The following SDK2 variants were observed in gnomAD, a reference collection of about 807,000 sequenced individuals.
SDK2 encodes protein sidekick-2.
SDK2 carries 105 observed loss-of-function variants against 253.9 expected under a neutral mutation model. That is an observed-to-expected ratio of 0.41 (90% CI 0.35 to 0.49). SDK2 has a LOEUF of 0.49. Among genes scored for constraint, SDK2 ranks in the 20% least tolerant of loss-of-function variants. The pLI is 0.06. For synonymous variants in SDK2, 1,249 were observed against 1,234.9 expected, an observed-to-expected ratio of 1.01 and a Z score of -0.24; for missense variants, 2,608 against 3,003.0, an observed-to-expected ratio of 0.87 and a Z score of 3.07.
intron 1 of SDK2, among the ~76,000 whole-genome samples, chr17:73,593,161 C>G (rs1322284453): frequency 2.0e-5 from 3 of 152,178 alleles, no homozygotes; most frequent in Non-Finnish European, 4.4e-5. Flanking sequence ...GCTGGGTACC[C>G]CACCCCACCC....
rs2046434874 is a variant in SDK2, at chr17:73,644,205, T to TC, written c.-118dup. 4.8e-6 allele frequency: 4 copies of TC among 834,860 alleles called. No homozygotes were observed. Among genetic ancestry groups the TC allele is most frequent in the Middle Eastern group, 2.7e-4 (1 of 3,662 alleles). The allele number at this position is 834,860 out of a possible 1,614,324, so 51.7% of individuals were successfully genotyped here. ...CCAGGAAACAGTCAGTCTACGCGGC[T>TC]CCGTGCCCCGGGGTGTAATATGCCC... On this transcript the variant is annotated 5_prime_UTR_variant, in exon 1 of 45. Coordinates refer to ENST00000392650, the MANE Select transcript of SDK2 (RefSeq NM_001144952.2). The surrounding 1 kb of genome is among the most constrained non-coding windows in gnomAD (Gnocchi z 6.3).
intron 9 of SDK2, 104 bp from the exon 10 acceptor site, chr17:73,433,952 C>A (rs969898846): frequency 2.8e-6 from 2 of 720,746 alleles, no homozygotes; most frequent in East Asian, 5.7e-5. Flanking sequence ...CCCTCATCCT[C>A]CCCCTGCCAT....
chr17:73,644,012 G>C lies in SDK2; in HGVS notation c.64+13C>G. ...AGCCCCCTCCCTGTCCCCACGTGGG[G>C]GTCCCTCCTTACCTTGGGCTCTGGC... On this transcript the variant is annotated intron_variant, in intron 1 of 44. Coordinates refer to ENST00000392650, the MANE Select transcript of SDK2 (RefSeq NM_001144952.2). This position sits in a 1 kb window ranked among gnomAD's most constrained non-coding sequence, Gnocchi z 6.3. 2 of 1,547,476 alleles carry C rather than the reference G, an allele frequency of 1.3e-6. No individual in the cohort carries two copies. The highest frequency in any genetic ancestry group is 2.4e-5 in the South Asian group (2 of 83,822).
At position 73,374,451 on chromosome 17, in the gene SDK2, C is replaced by T. The variant is rs2062760526; in HGVS notation, c.4980+4726G>A. Among the ~76,000 whole-genome samples the T allele has an allele frequency of 1.4e-5, 2 of 141,762 alleles. 1 individual carries two copies. The highest frequency in any genetic ancestry group is 5.8e-5 in the African/African-American group (2 of 34,396). 93.0% of individuals were successfully genotyped at this position (141,762 alleles called of 152,430 possible). ...CTTGTTGCCTCCCTTTTCTCCCATT[C>T]CATGTTCGATTTGTCGGTAATTTTT... On this transcript the variant is annotated intron_variant, in intron 36 of 44. Transcript: ENST00000392650.
rs2063465256 is a variant in SDK2, at chr17:73,447,903, G to T, written c.480-155C>A. Among the ~76,000 whole-genome samples, 1 of 151,594 alleles carries T rather than the reference G, an allele frequency of 6.6e-6. No individual in the cohort carries two copies. Among genetic ancestry groups the T allele is most frequent in the African/African-American group, 2.4e-5 (1 of 41,180 alleles). ...GCCACCCCCTCCCCAACCTCTTACT[G>T]CCTACATCCCGCCACGTTTAGTTTG... On this transcript the variant is annotated intron_variant, in intron 4 of 44. Coordinates refer to ENST00000392650, the MANE Select transcript of SDK2 (RefSeq NM_001144952.2). This position sits in a 1 kb window ranked among gnomAD's most constrained non-coding sequence, Gnocchi z 4.0.
At chr17:73,509,175 G>A (rs763346907) in intron 1 of SDK2, among the ~76,000 whole-genome samples, 22 of 152,232 alleles carry the variant, frequency 1.4e-4, no homozygotes, top group Non-Finnish European at 2.9e-4. Flanking sequence ...TCCCAGCGGC[G>A]TGCGGTGGAC....
At chr17:73,523,350 C>A (rs902384878) in intron 1 of SDK2, among the ~76,000 whole-genome samples, 1 of 151,804 alleles carries the variant, frequency 6.6e-6, no homozygotes, top group Middle Eastern at 3.2e-3. Flanking sequence ...TTCTGCTATA[C>A]CCCATATTAA....
At chr17:73,621,608 T>TTA (rs1377636690) in intron 1 of SDK2, among the ~76,000 whole-genome samples, 1 of 151,642 alleles carries the variant, frequency 6.6e-6, no homozygotes, top group Non-Finnish European at 1.5e-5. Flanking sequence ...TTTTTATACA[T>TTA]TATATATATA....
In SDK2 at chr17:73,345,837, G is replaced by A. The variant is rs142847664; in HGVS notation, c.6165+2762C>T. 3.3e-4 allele frequency among the ~76,000 whole-genome samples: 50 copies of A among 152,256 alleles called. No homozygotes were observed. In the East Asian group the frequency reaches 7.1e-3, roughly 22 times the overall value. On this transcript the variant is annotated intron_variant, in intron 44 of 44. Transcript: ENST00000392650. ...TGGTGTCATTCACGAACAATCCTTA[G>A]AATCCTTCCTGGCTTCTACTGAACA...
chr17:73,532,082 G>A lies in SDK2; in HGVS notation c.65-24485C>T, dbSNP rs921657944. Among the ~76,000 whole-genome samples, 6 of 152,116 alleles carry A rather than the reference G, an allele frequency of 3.9e-5. No individual in the cohort carries two copies. The South Asian group carries it at 6.2e-4, about 16-fold the overall frequency. ...TTCTGTACTCCTGCCCCCAGCTCCCGGGGGACCCCTGGCGATGTCCGGAGA... is the reference window on the plus strand; with the variant it reads ...TTCTGTACTCCTGCCCCCAGCTCCCAGGGGACCCCTGGCGATGTCCGGAGA... On this transcript the variant is annotated intron_variant, in intron 1 of 44. Transcript: ENST00000392650.
rs375308250 is a variant in SDK2, at chr17:73,361,670, C to T, written c.5467+14G>A. ...CGCCGTGTGGAAGACATGCCTGGTC[C>T]GTTGCTCTCCTACCTTCTCCGGGGC... On this transcript the variant is annotated intron_variant, in intron 39 of 44. Coordinates refer to ENST00000392650, the MANE Select transcript of SDK2 (RefSeq NM_001144952.2). The surrounding 1 kb of genome is among the most constrained non-coding windows in gnomAD (Gnocchi z 4.1). 1.4e-5 allele frequency: 23 copies of T among 1,606,638 alleles called. No individual in the cohort carries two copies. The African/African-American group carries it at 1.7e-4, about 12-fold the overall frequency.
rs533924561 is a variant in SDK2, at chr17:73,455,347, C to T, written c.479+559G>A. Among the ~76,000 whole-genome samples, 6 of 152,146 alleles carry T rather than the reference C, an allele frequency of 3.9e-5. No homozygotes were observed. Among genetic ancestry groups the T allele is most frequent in the Admixed American group, 1.3e-4 (2 of 15,278 alleles). On this transcript the variant is annotated intron_variant, in intron 4 of 44. Transcript: ENST00000392650. This position sits in a 1 kb window ranked among gnomAD's most constrained non-coding sequence, Gnocchi z 5.0. ...ATCCTCCTGCCCACAGGCTGGGCTG[C>T]CCCAGCCAATCCCAGGGGGCACACA...
At chr17:73,377,790 T>G (rs964245496) in intron 36 of SDK2, among the ~76,000 whole-genome samples, 12 of 151,596 alleles carry the variant, frequency 7.9e-5, no homozygotes, top group African/African-American at 2.9e-4. Flanking sequence ...TTTTGTATTT[T>G]TAGTAGAGAT....
intron 40 of SDK2, among the ~76,000 whole-genome samples, chr17:73,354,139 TCAAGCGATCCTCA>T: frequency 6.6e-6 from 1 of 152,244 alleles, no homozygotes; most frequent in South Asian, 2.1e-4. Flanking sequence ...CCTCCTGGGC[TCAAGCGATCCTCA>T]CATCTCAGCC....
At chr17:73,506,230 C>T (rs2063934842) in intron 2 of SDK2, among the ~76,000 whole-genome samples, 1 of 152,172 alleles carries the variant, frequency 6.6e-6, no homozygotes, top group African/African-American at 2.4e-5. Context: ...GAGGCTCTGG[C>T]CCCCAACTGA....
chr17:73,358,775 T>C (rs946793399), intron 39 of SDK2, among the ~76,000 whole-genome samples: 1 of 151,958 alleles, frequency 6.6e-6, no homozygotes, highest in African/African-American at 2.4e-5. Flanking sequence ...GCATTTCCTA[T>C]TAGGTTAGAC....
chr17:73,336,120 T>C lies in SDK2; in HGVS notation c.*2467A>G, dbSNP rs2062375711. On this transcript the variant is annotated 3_prime_UTR_variant, in exon 45 of 45. Transcript: ENST00000392650. ...GCTTAAATAATTCCCTAATGCAAAC[T>C]GGGAACTTCCTTAAATGGTTAAATG... 6.9e-6 allele frequency: 1 copy of C among 145,660 alleles called. No homozygotes were observed. Among genetic ancestry groups the C allele is most frequent in the African/African-American group, 2.6e-5 (1 of 38,908 alleles). The allele number at this position is 145,660 out of a possible 1,614,324, so 9.0% of individuals were successfully genotyped here. A position where few individuals can be genotyped will look rare whatever the true frequency, so the allele number is the denominator to read the frequency against.
intron 1 of SDK2, among the ~76,000 whole-genome samples, chr17:73,611,620 G>A (rs2045975850): frequency 6.6e-6 from 1 of 152,248 alleles, no homozygotes; most frequent in South Asian, 2.1e-4. Flanking sequence ...CCTGTGACCT[G>A]CAGAGGCTTT....
chr17:73,582,939 C>T (rs1489347406), intron 1 of SDK2, among the ~76,000 whole-genome samples: 2 of 152,182 alleles, frequency 1.3e-5, no homozygotes, highest in African/African-American at 4.8e-5. Context: ...CCGCTAGCTT[C>T]CTTTACAACC....
Sources: gnomAD v4.1 joint callset for allele counts (sites outside exome capture counted in the v4.1 genomes callset) on GRCh38, gnomAD v4.1.1 for gene constraint, Gnocchi (gnomAD v3.1) non-coding constraint, MANE v1.5 for transcripts, NCBI Gene and HGNC (gene_info 2026-07-23, HGNC 2026-07-21) for gene names.